The following DOCK4 variants were observed in gnomAD, a reference collection of about 807,000 sequenced individuals.
The protein encoded by DOCK4 is dedicator of cytokinesis 4, also known as dedicator of cytokinesis protein 4.
DOCK4 carries 97 observed loss-of-function variants against 268.1 expected under a neutral mutation model. The observed-to-expected ratio is 0.36, with a 90% CI of 0.31 to 0.43. The LOEUF (loss-of-function observed/expected upper bound fraction) is 0.43. DOCK4 is among the 20% of genes least tolerant of loss of function. The probability of loss-of-function intolerance (pLI) is 1.00; values close to 1 mark genes in which losing one functional copy is unlikely to be tolerated. For synonymous variants in DOCK4, 954 were observed against 887.2 expected (o/e 1.08, Z -1.34); for missense variants, 2,145 against 2,455.7 (o/e 0.87, Z 2.67).
At chr7:111,992,046 A>G (rs1397261187) in intron 5 of DOCK4, among the ~76,000 whole-genome samples, 1 of 151,908 alleles carries the variant, frequency 6.6e-6, no homozygotes, top group African/African-American at 2.4e-5. Context: ...GGGACAGGAC[A>G]AAAGTACTCA....
intron 25 of DOCK4, among the ~76,000 whole-genome samples, chr7:111,841,064 G>A (rs1803649962): frequency 6.6e-6 from 1 of 152,266 alleles, no homozygotes; most frequent in Non-Finnish European, 1.5e-5. Context: ...AGCATTTATT[G>A]AGTATCAGAC....
chr7:111,935,441 G>A (rs571248836), intron 12 of DOCK4, 99 bp downstream of exon 12: 1 of 1,064,984 alleles, frequency 9.4e-7, no homozygotes, highest in African/African-American at 1.6e-5. Flanking sequence ...TGAATAGACA[G>A]AAAAACAAAG....
At chr7:111,891,503 T>C (rs1586282882) in intron 16 of DOCK4, among the ~76,000 whole-genome samples, 1 of 152,246 alleles carries the variant, frequency 6.6e-6, no homozygotes, top group East Asian at 1.9e-4. Context: ...TTATTGGCAA[T>C]TTAAATTACT....
chr7:112,067,833 T>C (rs753703801), intron 1 of DOCK4, among the ~76,000 whole-genome samples: 9 of 152,192 alleles, frequency 5.9e-5, no homozygotes, highest in Non-Finnish European at 1.0e-4. Flanking sequence ...CATGGAAAAC[T>C]ACAGCAGACA....
At chr7:111,834,444 T>A in intron 26 of DOCK4, 144 bp downstream of exon 26, 1 of 630,306 alleles carries the variant, frequency 1.6e-6, no homozygotes, top group Non-Finnish European at 2.7e-6. Flanking sequence ...GATGAGCAGA[T>A]CTGTGGATGA....
intron 25 of DOCK4, among the ~76,000 whole-genome samples, chr7:111,841,441 A>G (rs1478651145): frequency 6.6e-6 from 1 of 152,112 alleles, no homozygotes; most frequent in Non-Finnish European, 1.5e-5. Context: ...GATTACAGGC[A>G]TAAGACACCG....
At chr7:111,972,204 T>A (rs1797767708) in intron 8 of DOCK4, among the ~76,000 whole-genome samples, 1 of 152,172 alleles carries the variant, frequency 6.6e-6, no homozygotes, top group Non-Finnish European at 1.5e-5. Context: ...TAAAATCCTG[T>A]TTAACTATGG....
At chr7:111,976,225 T>C (rs1422093436) in intron 8 of DOCK4, among the ~76,000 whole-genome samples, 3 of 96,290 alleles carry the variant, frequency 3.1e-5, no homozygotes, top group Non-Finnish European at 2.1e-5. Context: ...TGTGTGTGCG[T>C]GTGTGTGTAT....
intron 1 of DOCK4, among the ~76,000 whole-genome samples, chr7:112,197,638 T>C (rs891389646): frequency 9.2e-5 from 14 of 152,202 alleles, no homozygotes; most frequent in African/African-American, 3.4e-4. Flanking sequence ...GAGAATCCTT[T>C]GTACCCATAT....
Position 111,809,430 on chromosome 7 carries a change from T to C in DOCK4, c.3007-29A>G, listed in dbSNP as rs1230242321. The C allele has an allele frequency of 4.6e-6, 7 of 1,513,746 alleles. No homozygotes were observed. The Admixed American group carries it at 5.9e-5, about 13-fold the overall frequency. The allele number at this position is 1,513,746 out of a possible 1,614,324, so 93.8% of individuals were successfully genotyped here. A position where few individuals can be genotyped will look rare whatever the true frequency, so the allele number is the denominator to read the frequency against. ...AAACAAGAACAAGATATATCAATAC[T>C]ATGGTGTTACAAGCATATTGACAGG... On this transcript the variant is annotated intron_variant, in intron 28 of 52. Transcript: ENST00000428084.
chr7:111,845,601 T>C (rs964459227), intron 24 of DOCK4, among the ~76,000 whole-genome samples: 1 of 152,170 alleles, frequency 6.6e-6, no homozygotes, highest in Admixed American at 6.5e-5. Flanking sequence ...CAAATGCTTC[T>C]AACCAAGGAG....
intron 8 of DOCK4, among the ~76,000 whole-genome samples, chr7:111,974,873 G>A (rs143240473): frequency 1.3e-5 from 2 of 152,334 alleles, no homozygotes; most frequent in Non-Finnish European, 2.9e-5. Context: ...TGTTTATAAT[G>A]AGATGATATT....
chr7:112,188,601 A>C (rs546146705), intron 1 of DOCK4, among the ~76,000 whole-genome samples: 12 of 152,332 alleles, frequency 7.9e-5, no homozygotes, highest in African/African-American at 2.4e-4. Context: ...AACACGCAAT[A>C]ATTCCATGAC....
In DOCK4 at chr7:111,844,881, T is replaced by C. The variant is rs762984143; in HGVS notation, c.2618A>G (p.Glu873Gly). ...GCTGGCCACTATCACATCTATTTCCTCCAGCACAGATTTTTCCTTAAGAGA... is the reference window on the plus strand; with the variant it reads ...GCTGGCCACTATCACATCTATTTCCCCCAGCACAGATTTTTCCTTAAGAGA... ...KKNSSEKSVL[E>G]EIDVIVASLL... Residue 873 changes from glutamate to glycine, a missense_variant, in exon 25 of 53, where the codon GAG (glutamate) becomes GGG (glycine). Glu to Gly is a moderately conservative substitution (Grantham distance 98, BLOSUM62 -2). Around this residue, in one of 2 missense-constraint regions of DOCK4, gnomAD observed 1,598 missense variants for 1,986.7 expected, o/e 0.80. Transcript: ENST00000428084. 2 of 1,611,562 alleles carry C rather than the reference T, an allele frequency of 1.2e-6. No individual in the cohort carries two copies. The highest frequency in any genetic ancestry group is 1.7e-6 in the Non-Finnish European group (2 of 1,178,860).
intron 1 of DOCK4, among the ~76,000 whole-genome samples, chr7:112,005,750 C>T (rs1368880219): frequency 6.6e-6 from 1 of 152,140 alleles, no homozygotes. Flanking sequence ...CAGTTTTGTA[C>T]ACAGCTCCTA....
chr7:111,850,971 A>C (rs561539978), intron 23 of DOCK4, among the ~76,000 whole-genome samples: 1 of 152,320 alleles, frequency 6.6e-6, no homozygotes, highest in Admixed American at 6.5e-5. Context: ...TTTTTACTTT[A>C]ACAGATGCCG....
At chr7:112,168,125 C>G in intron 1 of DOCK4, among the ~76,000 whole-genome samples, 1 of 151,768 alleles carries the variant, frequency 6.6e-6, no homozygotes, top group Non-Finnish European at 1.5e-5. Flanking sequence ...CTGCCTGGTA[C>G]TTAACTAGTA....
At chr7:112,117,108 A>G (rs1276578111) in intron 1 of DOCK4, among the ~76,000 whole-genome samples, 3 of 152,178 alleles carry the variant, frequency 2.0e-5, no homozygotes, top group Middle Eastern at 3.2e-3. Flanking sequence ...TCCAGCAACC[A>G]TCTCAGTTCA....
At chr7:112,060,634 A>C (rs1806307764) in intron 1 of DOCK4, among the ~76,000 whole-genome samples, 1 of 152,194 alleles carries the variant, frequency 6.6e-6, no homozygotes, top group Admixed American at 6.5e-5. Flanking sequence ...AATAATAATC[A>C]GGCTTAAAAA....
Sources: gnomAD v4.1 joint callset for allele counts (sites outside exome capture counted in the v4.1 genomes callset) on GRCh38, gnomAD v4.1.1 for gene constraint, gnomAD v4.1.1 regional missense constraint, MANE v1.5 for transcripts, NCBI Gene and HGNC (gene_info 2026-07-23, HGNC 2026-07-21) for gene names.